Variants in AP3B1 observed in about 807,000 individuals in gnomAD.
AP3B1 encodes AP-3 complex subunit beta-1.
In AP3B1, 61 loss-of-function variants were observed where a neutral mutation model predicts 132.5. That is an observed-to-expected ratio of 0.46 (90% confidence interval 0.37 to 0.57). The LOEUF (loss-of-function observed/expected upper bound fraction) is 0.57, where lower values mean the gene tolerates loss of function less well. AP3B1 is among the 20% of genes least tolerant of loss of function. The pLI is 0.00. For synonymous variants in AP3B1, 388 were observed against 438.3 expected (o/e 0.89, Z 1.43); for missense variants, 1,120 against 1,289.4 (o/e 0.87, Z 2.01).
In AP3B1 at chr5:78,052,003, T is replaced by G. The variant is rs865893905; in HGVS notation, c.2578-12729A>C. 9.9e-5 allele frequency among the ~76,000 whole-genome samples: 15 copies of G among 151,380 alleles called. 1 individual carries two copies. Among genetic ancestry groups the G allele is most frequent in the Admixed American group, 6.6e-5 (1 of 15,248 alleles). On this transcript the variant is annotated intron_variant, in intron 22 of 26. Transcript: ENST00000255194. ...ATTGAGGCTAGCATTAACCTAGTATTGACCTAGAATAGGATTTAAAAAAGT... is the reference window on the plus strand; with the variant it reads ...ATTGAGGCTAGCATTAACCTAGTATGGACCTAGAATAGGATTTAAAAAAGT...
intron 7 of AP3B1, among the ~76,000 whole-genome samples, chr5:78,206,233 G>A (rs1040058826): frequency 2.0e-5 from 3 of 151,958 alleles, no homozygotes; most frequent in Admixed American, 6.6e-5. Context: ...TCACCTACCA[G>A]ACATCTATTT....
At chr5:78,205,401 ATTATT>A (rs1045776609) in intron 7 of AP3B1, among the ~76,000 whole-genome samples, 14 of 152,014 alleles carry the variant, frequency 9.2e-5, no homozygotes, top group Admixed American at 8.5e-4. Context: ...CAATAAATAC[ATTATT>A]TTAAAGATGG....
At chr5:78,214,907 A>G (rs1034254239) in intron 7 of AP3B1, among the ~76,000 whole-genome samples, 2 of 152,200 alleles carry the variant, frequency 1.3e-5, no homozygotes, top group Non-Finnish European at 2.9e-5. Flanking sequence ...AAGATGGATA[A>G]CATAATCATC....
At chr5:78,218,618 GA>G (rs889472035) in intron 6 of AP3B1, among the ~76,000 whole-genome samples, 1 of 152,054 alleles carries the variant, frequency 6.6e-6, no homozygotes, top group East Asian at 1.9e-4. Context: ...AGCTGGTAAT[GA>G]AAAAAATCAC....
intron 2 of AP3B1, among the ~76,000 whole-genome samples, chr5:78,251,663 G>A (rs1747641626): frequency 6.6e-6 from 1 of 152,198 alleles, no homozygotes; most frequent in Admixed American, 6.5e-5. Flanking sequence ...AGCCAGAAAG[G>A]AATCCCAGAG....
chr5:78,182,600 G>C (rs1328104798), intron 7 of AP3B1, among the ~76,000 whole-genome samples: 2 of 152,114 alleles, frequency 1.3e-5, no homozygotes, highest in Admixed American at 6.6e-5. Flanking sequence ...GCAGAAGCTG[G>C]CAACAAATGC....
intron 11 of AP3B1, among the ~76,000 whole-genome samples, chr5:78,172,751 G>A (rs766789792): frequency 1.3e-4 from 19 of 151,788 alleles, no homozygotes; most frequent in African/African-American, 3.9e-4. Context: ...AGGGTATTTC[G>A]TTATTATTGA....
At chr5:78,169,617 A>G (rs559461946) in intron 11 of AP3B1, among the ~76,000 whole-genome samples, 4 of 152,144 alleles carry the variant, frequency 2.6e-5, no homozygotes, top group African/African-American at 9.6e-5. Context: ...TTAAAGAGAC[A>G]GAGTCTCACT....
chr5:78,180,703 T>C (rs1744328367), intron 8 of AP3B1, among the ~76,000 whole-genome samples: 1 of 152,012 alleles, frequency 6.6e-6, no homozygotes, highest in South Asian at 2.1e-4. Flanking sequence ...AGTATGATTT[T>C]TATCTTGGTT....
At chr5:78,055,416 T>C (rs530024670) in intron 22 of AP3B1, among the ~76,000 whole-genome samples, 1 of 152,336 alleles carries the variant, frequency 6.6e-6, no homozygotes, top group East Asian at 1.9e-4. Context: ...GAGAAGAAAA[T>C]CATTTAACTT....
At chr5:78,143,818 A>T (rs1428034423) in intron 14 of AP3B1, among the ~76,000 whole-genome samples, 1 of 152,146 alleles carries the variant, frequency 6.6e-6, no homozygotes, top group African/African-American at 2.4e-5. Flanking sequence ...GTTTGAGACC[A>T]GCCTGGCCAA....
At chr5:78,197,284 GA>G (rs373082531) in intron 7 of AP3B1, among the ~76,000 whole-genome samples, 4,879 of 148,404 alleles carry the variant, frequency 0.033, 264 homozygotes, top group African/African-American at 0.11. Flanking sequence ...TAATGCTAGT[GA>G]AAAAAAAAAT....
chr5:78,025,912 G>A (rs963106779), intron 24 of AP3B1, among the ~76,000 whole-genome samples: 24 of 152,136 alleles, frequency 1.6e-4, no homozygotes, highest in African/African-American at 5.8e-4. Context: ...TAAGCAAGGC[G>A]TGGCTTATAA....
intron 15 of AP3B1, among the ~76,000 whole-genome samples, chr5:78,129,989 G>T (rs1408278100): frequency 6.6e-6 from 1 of 151,806 alleles, no homozygotes; most frequent in Non-Finnish European, 1.5e-5. Context: ...TAGTAATATT[G>T]GTCATTTATT....
intron 17 of AP3B1, among the ~76,000 whole-genome samples, chr5:78,116,783 C>T (rs1299865612): frequency 1.3e-5 from 2 of 152,154 alleles, no homozygotes; most frequent in Non-Finnish European, 2.9e-5. Flanking sequence ...CCACCCTTCT[C>T]TCCTGGACTA....
At chr5:78,236,651 C>G (rs550988017) in intron 3 of AP3B1, among the ~76,000 whole-genome samples, 1 of 152,070 alleles carries the variant, frequency 6.6e-6, no homozygotes, top group Non-Finnish European at 1.5e-5. Context: ...GAGGATAAAA[C>G]GGAGTAGATC....
chr5:78,115,774 AAAAG>A (rs1751799196), intron 18 of AP3B1, among the ~76,000 whole-genome samples: 2 of 152,326 alleles, frequency 1.3e-5, no homozygotes, highest in South Asian at 4.1e-4. Context: ...ACGTTTTTGT[AAAAG>A]AAAGTTACTT....
At chr5:78,020,193 T>C (rs764272134) in intron 25 of AP3B1, among the ~76,000 whole-genome samples, 14 of 152,112 alleles carry the variant, frequency 9.2e-5, no homozygotes, top group Non-Finnish European at 1.9e-4. Flanking sequence ...TTCTTTAATA[T>C]AGAATTAGGT....
At chr5:78,038,951 T>G in intron 23 of AP3B1, 92 bp downstream of exon 23, 1 of 776,082 alleles carries the variant, frequency 1.3e-6, no homozygotes, top group Middle Eastern at 3.7e-4. Flanking sequence ...TCTACTTTAC[T>G]ATTTTACTAA....
Sources: allele counts gnomAD v4.1 joint callset (sites outside exome capture counted in the v4.1 genomes callset), GRCh38; gene constraint gnomAD v4.1.1; transcripts MANE v1.5; gene names NCBI Gene and HGNC (gene_info 2026-07-23, HGNC 2026-07-21).